GALNS: variants seen among roughly 807,000 people sequenced by gnomAD.
GALNS encodes the protein galactosamine (N-acetyl)-6-sulfatase.
In GALNS, 65 loss-of-function variants were observed where a neutral mutation model predicts 65.9. The ratio of observed to expected loss-of-function variants is 0.99; its 90% CI spans 0.81 to 1.21. The LOEUF is 1.21. Ranked by LOEUF, GALNS falls within the 50% of genes most tolerant of loss-of-function variation. The probability of loss-of-function intolerance (pLI) is 0.00; values close to 1 mark genes in which losing one functional copy is unlikely to be tolerated. For synonymous variants in GALNS, 346 were observed against 288.9 expected (o/e 1.20, Z -2.00); for missense variants, 776 against 700.7 (o/e 1.11, Z -1.21).
At chr16:88,854,147 A>G (rs1032733645) in intron 1 of GALNS, among the ~76,000 whole-genome samples, 1 of 152,212 alleles carries the variant, frequency 6.6e-6, no homozygotes, top group Non-Finnish European at 1.5e-5. Flanking sequence ...AACTTGAGAC[A>G]TGCACACTCG....
intron 12 of GALNS, among the ~76,000 whole-genome samples, chr16:88,821,948 G>T (rs988717410): frequency 1.3e-5 from 2 of 152,158 alleles, no homozygotes; most frequent in African/African-American, 2.4e-5. Flanking sequence ...TGGGGTGAGG[G>T]GGGGAAGCCT....
intron 3 of GALNS, among the ~76,000 whole-genome samples, chr16:88,841,467 C>A (rs1426829906): frequency 1.3e-5 from 2 of 152,192 alleles, no homozygotes; most frequent in African/African-American, 4.8e-5. Flanking sequence ...CCCTGCCTCC[C>A]CCGTCCTTCC....
At chr16:88,849,920 G>A (rs1048999268) in intron 1 of GALNS, among the ~76,000 whole-genome samples, 1 of 152,256 alleles carries the variant, frequency 6.6e-6, no homozygotes, top group Non-Finnish European at 1.5e-5. Context: ...CCTAGTCACA[G>A]TGGGCGAATG....
intron 8 of GALNS, among the ~76,000 whole-genome samples, chr16:88,833,032 C>T (rs374459194): frequency 7.0e-6 from 1 of 141,850 alleles, no homozygotes; most frequent in Non-Finnish European, 1.5e-5. Context: ...GAGCTGAGAT[C>T]GCGCCACTGC....
At position 88,814,166 on chromosome 16, in the gene GALNS, C is replaced by G. The variant is rs561027714; in HGVS notation, c.*273G>C. The G allele has an allele frequency of 7.3e-6, 4 of 550,820 alleles. No individual in the cohort carries two copies. The East Asian group carries it at 9.4e-5, about 13-fold the overall frequency. The allele number at this position is 550,820 out of a possible 1,614,324, so 34.1% of individuals were successfully genotyped here. On this transcript the variant is annotated 3_prime_UTR_variant, in exon 14 of 14. Coordinates refer to ENST00000268695, the MANE Select transcript of GALNS (RefSeq NM_000512.5). Reference sequence around the variant, plus strand: ...ACTGGTCTCAGATATTTGGGGTTCACAAAGGCGTGAGACGGCAGGGTCCTG... The same window carrying G: ...ACTGGTCTCAGATATTTGGGGTTCAGAAAGGCGTGAGACGGCAGGGTCCTG...
chr16:88,815,653 C>T, intron 13 of GALNS: 2 of 985,480 alleles, frequency 2.0e-6, no homozygotes, highest in Non-Finnish European at 2.4e-6. Flanking sequence ...CGCCGCATGG[C>T]CCTGAGGGCA....
intron 1 of GALNS, among the ~76,000 whole-genome samples, chr16:88,847,889 G>A (rs756485436): frequency 6.6e-6 from 1 of 152,220 alleles, no homozygotes; most frequent in Non-Finnish European, 1.5e-5. Flanking sequence ...GGAAACCTGT[G>A]CATGAACCAA....
chr16:88,848,527 G>A (rs891049896), intron 1 of GALNS, among the ~76,000 whole-genome samples: 13 of 151,662 alleles, frequency 8.6e-5, no homozygotes, highest in Non-Finnish European at 1.6e-4. Flanking sequence ...CAGCTACTCG[G>A]GAGGCTGAGG....
intron 13 of GALNS, chr16:88,816,929 C>A (rs1023757723): frequency 1.4e-5 from 14 of 985,468 alleles, no homozygotes; most frequent in Non-Finnish European, 1.7e-5. Context: ...AGGTGAGCGA[C>A]GGCCCAGGGG....
At chr16:88,856,045 C>A in intron 1 of GALNS, 2 of 639,230 alleles carry the variant, frequency 3.1e-6, no homozygotes, top group South Asian at 1.7e-5. Flanking sequence ...GGGTCCTGCA[C>A]GGTGACCCAT....
At chr16:88,824,711 A>C in intron 11 of GALNS, 56 bp downstream of exon 11, 1 of 1,460,010 alleles carries the variant, frequency 6.8e-7, no homozygotes, top group Admixed American at 1.7e-5. Flanking sequence ...CTCAGGGGCC[A>C]CGTCTGGATA....
chr16:88,823,021 T>A (rs1315174058), intron 11 of GALNS, among the ~76,000 whole-genome samples: 2 of 152,180 alleles, frequency 1.3e-5, no homozygotes, highest in African/African-American at 4.8e-5. Flanking sequence ...ACGTACCCTG[T>A]TTTCATGTAC....
intron 13 of GALNS, chr16:88,817,252 GAC>G: frequency 2.3e-6 from 2 of 881,710 alleles, no homozygotes; most frequent in Non-Finnish European, 2.5e-6. Context: ...TGGACAAGAC[GAC>G]GACGCATCCT....
intron 4 of GALNS, chr16:88,838,628 C>T (rs1404852470): frequency 6.6e-6 from 1 of 152,572 alleles, no homozygotes. Flanking sequence ...TGCCCACTCG[C>T]CCTGGCCCCC....
At position 88,856,909 on chromosome 16, in the gene GALNS, G is replaced by A. The variant is rs556283159; in HGVS notation, c.-32C>T. 927 of 1,497,858 alleles carry A rather than the reference G, an allele frequency of 6.2e-4. 8 individuals are homozygous for A. In the African/African-American group the frequency reaches 0.012, roughly 19 times the overall value. The allele number at this position is 1,497,858 out of a possible 1,614,324, so 92.8% of individuals were successfully genotyped here. ...CACGGGAGCCGCGGAGCCCCGGCCAGCGAGCCGACCTAGCGAGCGTCCGCC... is the reference window on the plus strand; with the variant it reads ...CACGGGAGCCGCGGAGCCCCGGCCAACGAGCCGACCTAGCGAGCGTCCGCC... On this transcript the variant is annotated 5_prime_UTR_variant, in exon 1 of 14. Transcript: ENST00000268695.
At chr16:88,856,613 G>T (rs1967912745) in intron 1 of GALNS, 145 bp downstream of exon 1, 3 of 207,538 alleles carry the variant, frequency 1.4e-5, no homozygotes, top group African/African-American at 6.7e-5. Flanking sequence ...TCCTCCCCGC[G>T]CGGGGCCTCC....
chr16:88,855,090 T>C (rs1273429412), intron 1 of GALNS: 4 of 446,532 alleles, frequency 9.0e-6, no homozygotes, highest in African/African-American at 6.1e-5. Flanking sequence ...ATTCCCTATT[T>C]ACCGGGAGCC....
intron 10 of GALNS, among the ~76,000 whole-genome samples, chr16:88,825,200 T>TGCCTGGGTGTCTGGGGC (rs368699966): frequency 2.8e-5 from 3 of 107,010 alleles, no homozygotes; most frequent in Admixed American, 9.7e-5. Context: ...GTGTCTAGGG[T>TGCCTGGGTGTCTGGGGC]GCCTGGGTGT....
intron 13 of GALNS, chr16:88,816,161 G>C: frequency 1.0e-6 from 1 of 985,470 alleles, no homozygotes; most frequent in Non-Finnish European, 1.2e-6. Context: ...GTGTGGCGGT[G>C]GGGGCAGTTC....
Sources: gnomAD v4.1 joint callset for allele counts (sites outside exome capture counted in the v4.1 genomes callset) on GRCh38, gnomAD v4.1.1 for gene constraint, MANE v1.5 for transcripts, NCBI Gene and HGNC (gene_info 2026-07-23, HGNC 2026-07-21) for gene names.